EPHA5: variants seen among roughly 807,000 people sequenced by gnomAD.
EPHA5 encodes EPH receptor A5.
Under a neutral mutation model 105.0 loss-of-function variants are expected in EPHA5, and 60 were observed. The ratio of observed to expected loss-of-function variants is 0.57; its 90% confidence interval spans 0.46 to 0.71. The LOEUF is 0.71. EPHA5 is among the 30% of genes least tolerant of loss of function. The pLI, the probability that EPHA5 is intolerant of heterozygous loss-of-function variation, is 0.00. For synonymous variants in EPHA5, 513 were observed against 449.1 expected, an observed-to-expected ratio of 1.14 and a Z score of -1.80; for missense variants, 1,218 against 1,274.7, an observed-to-expected ratio of 0.96 and a Z score of 0.68.
rs180705023 is a variant in EPHA5 at position 65,503,567 on chromosome 4, T to C, written c.911-8024A>G. On this transcript the variant is annotated intron_variant, in intron 3 of 16. Coordinates refer to ENST00000613740, the MANE Select transcript of EPHA5 (RefSeq NM_001281766.3). ...AAAATCATTAAATCTCTCAATACAATGTATTTTTAATTTATGCTCACCAAA... is the reference window on the plus strand; with the variant it reads ...AAAATCATTAAATCTCTCAATACAACGTATTTTTAATTTATGCTCACCAAA... Among the ~76,000 whole-genome samples the C allele has an allele frequency of 4.5e-3, 683 of 151,806 alleles. 10 individuals are homozygous for C. The highest frequency in any genetic ancestry group is 3.3e-3 in the Non-Finnish European group (227 of 67,780).
chr4:65,507,484 G>T (rs544552057), intron 3 of EPHA5, among the ~76,000 whole-genome samples: 19 of 152,098 alleles, frequency 1.2e-4, no homozygotes, highest in Middle Eastern at 3.4e-3. Flanking sequence ...CGATATTGAT[G>T]CTTCCTACCC....
intron 7 of EPHA5, among the ~76,000 whole-genome samples, chr4:65,408,748 T>C (rs1355749030): frequency 5.3e-5 from 8 of 151,906 alleles, no homozygotes; most frequent in Admixed American, 5.3e-4. Flanking sequence ...GGGGGGACTG[T>C]AAACTAGTTC....
intron 3 of EPHA5, among the ~76,000 whole-genome samples, chr4:65,559,368 T>G (rs992399836): frequency 8.5e-5 from 13 of 152,152 alleles, no homozygotes; most frequent in African/African-American, 2.7e-4. Context: ...TGAAAGCACT[T>G]AAATTGTCAA....
At chr4:65,652,710 G>T (rs541486340) in intron 1 of EPHA5, among the ~76,000 whole-genome samples, 1 of 152,202 alleles carries the variant, frequency 6.6e-6, no homozygotes, top group Non-Finnish European at 1.5e-5. Flanking sequence ...TGTTACAGAA[G>T]CCAGCATCAC....
intron 5 of EPHA5, among the ~76,000 whole-genome samples, chr4:65,467,475 T>C (rs979223418): frequency 6.6e-6 from 1 of 152,210 alleles, no homozygotes; most frequent in African/African-American, 2.4e-5. Context: ...GTAGTGCATG[T>C]AATGACATGC....
At chr4:65,386,583 C>T (rs933079882) in intron 8 of EPHA5, among the ~76,000 whole-genome samples, 4 of 151,902 alleles carry the variant, frequency 2.6e-5, no homozygotes, top group African/African-American at 9.7e-5. Context: ...AACAGTTATA[C>T]ACACACAGAG....
At chr4:65,334,595 C>A (rs1720991945) in intron 15 of EPHA5, among the ~76,000 whole-genome samples, 1 of 151,884 alleles carries the variant, frequency 6.6e-6, no homozygotes, top group African/African-American at 2.4e-5. Context: ...CAGGAACTAA[C>A]AATTTCTAGA....
chr4:65,591,027 C>A (rs1035937707), intron 3 of EPHA5, among the ~76,000 whole-genome samples: 2 of 152,044 alleles, frequency 1.3e-5, no homozygotes, highest in African/African-American at 4.8e-5. Flanking sequence ...CCTTCCCCAA[C>A]CCCCTACTCC....
chr4:65,633,949 C>T (rs1206148617), intron 2 of EPHA5, among the ~76,000 whole-genome samples: 5 of 151,998 alleles, frequency 3.3e-5, no homozygotes, highest in Non-Finnish European at 5.9e-5. Context: ...CACCTGTACA[C>T]GTTGTAATCT....
intron 5 of EPHA5, among the ~76,000 whole-genome samples, chr4:65,454,954 ATT>A (rs1266309751): frequency 6.6e-6 from 1 of 152,124 alleles, no homozygotes; most frequent in African/African-American, 2.4e-5. Flanking sequence ...TTTTATGAAA[ATT>A]ATATTTCTGC....
intron 8 of EPHA5, among the ~76,000 whole-genome samples, chr4:65,397,227 G>C (rs760967790): frequency 1.3e-5 from 2 of 152,102 alleles, no homozygotes; most frequent in Non-Finnish European, 2.9e-5. Flanking sequence ...GAAGTCAAAG[G>C]GAGAAAGGTG....
intron 7 of EPHA5, among the ~76,000 whole-genome samples, chr4:65,407,930 A>ATT (rs71205364): frequency 5.3e-5 from 8 of 149,842 alleles, no homozygotes; most frequent in South Asian, 2.1e-4. Context: ...TAATTTTTGC[A>ATT]TTTTTTTTTG....
rs763487248 is a variant in EPHA5 at position 65,332,077 on chromosome 4, T to C, written c.2841A>G (p.Arg947=). ...EHSPLGSGAY[R]SVGEWLEAIK... is the part of the protein sequence containing the mutation. ...TTGCCTCTAGCCATTCACCTACTGA[T>C]CTGTAGGCCCCAGATCCTAGTGGGC... Residue 947 remains arginine, a synonymous_variant, in exon 16 of 17, where the codon AGA becomes AGG. Transcript: ENST00000613740. The C allele has an allele frequency of 1.2e-6, 2 of 1,611,570 alleles. No individual in the cohort carries two copies. The highest frequency in any genetic ancestry group is 1.7e-4 in the Middle Eastern group (1 of 6,048).
intron 3 of EPHA5, among the ~76,000 whole-genome samples, chr4:65,522,316 G>GTATGTATATATATATATA (rs1734826265): frequency 7.0e-6 from 1 of 142,860 alleles, no homozygotes; most frequent in Non-Finnish European, 1.5e-5. Context: ...ATATATATAT[G>GTATGTATATATATATATA]TATATATATA....
chr4:65,456,371 A>C (rs1013697000), intron 5 of EPHA5, among the ~76,000 whole-genome samples: 3 of 151,884 alleles, frequency 2.0e-5, no homozygotes, highest in Non-Finnish European at 2.9e-5. Flanking sequence ...CAGTAGTATA[A>C]TCTGCCATAT....
At chr4:65,351,859 A>C (rs557486938) in intron 12 of EPHA5, among the ~76,000 whole-genome samples, 1 of 151,966 alleles carries the variant, frequency 6.6e-6, no homozygotes, top group East Asian at 1.9e-4. Context: ...CTGCATCATA[A>C]CTCTTTTATT....
chr4:65,617,917 A>C lies in EPHA5; in HGVS notation c.247-15613T>G, dbSNP rs528739362. 3.9e-5 allele frequency among the ~76,000 whole-genome samples: 6 copies of C among 152,280 alleles called. No individual in the cohort carries two copies. The East Asian group carries it at 1.2e-3, about 29-fold the overall frequency. On this transcript the variant is annotated intron_variant, in intron 2 of 16. Transcript: ENST00000613740. ...ATAAAATTCTATTAAATCATCACAA[A>C]TGTTTCAATATAACATTTAAAAGCT...
intron 5 of EPHA5, among the ~76,000 whole-genome samples, chr4:65,456,888 A>G (rs1226712239): frequency 6.6e-6 from 1 of 152,072 alleles, no homozygotes; most frequent in African/African-American, 2.4e-5. Context: ...TTTCTATCTA[A>G]TTAAAGTGCT....
intron 3 of EPHA5, among the ~76,000 whole-genome samples, chr4:65,577,865 C>A (rs1741217877): frequency 1.3e-5 from 2 of 152,096 alleles, no homozygotes; most frequent in African/African-American, 2.4e-5. Flanking sequence ...TGTCACATTT[C>A]TCTCATCAGA....
Sources: allele counts gnomAD v4.1 joint callset (sites outside exome capture counted in the v4.1 genomes callset), GRCh38; gene constraint gnomAD v4.1.1; transcripts MANE v1.5; gene names NCBI Gene and HGNC (gene_info 2026-07-23, HGNC 2026-07-21).